ZBTB44: variants seen among roughly 807,000 people sequenced by gnomAD.
The protein encoded by ZBTB44 is zinc finger and BTB domain containing 44.
In ZBTB44, 15 loss-of-function variants were observed where a neutral mutation model predicts 54.0. That is an observed-to-expected ratio of 0.28 (90% confidence interval 0.19 to 0.43). The LOEUF (loss-of-function observed/expected upper bound fraction) is 0.43. Among genes scored for constraint, ZBTB44 ranks in the 20% least tolerant of loss-of-function variants. The probability of loss-of-function intolerance (pLI) is 1.00; values close to 1 mark genes in which losing one functional copy is unlikely to be tolerated. For synonymous variants in ZBTB44, 230 were observed against 250.1 expected (o/e 0.92, Z 0.76); for missense variants, 487 against 707.1 (o/e 0.69, Z 3.53).
chr11:130,247,218 A>G (rs1937617660), intron 2 of ZBTB44, among the ~76,000 whole-genome samples: 1 of 152,322 alleles, frequency 6.6e-6, no homozygotes, highest in South Asian at 2.1e-4. Context: ...ATGAGCAACA[A>G]ACTCAACCTG....
At chr11:130,250,063 C>G (rs930991712) in intron 2 of ZBTB44, among the ~76,000 whole-genome samples, 1 of 152,168 alleles carries the variant, frequency 6.6e-6, no homozygotes, top group African/African-American at 2.4e-5. Flanking sequence ...TGACCTGGGA[C>G]GATCAAGCTT....
chr11:130,227,387 G>C lies in ZBTB44; in HGVS notation c.*4377C>G, dbSNP rs547992384. 2.6e-5 allele frequency: 4 copies of C among 152,310 alleles called. No individual in the cohort carries two copies. The highest frequency in any genetic ancestry group is 2.6e-4 in the Admixed American group (4 of 15,304). The allele number at this position is 152,310 out of a possible 1,614,324, so 9.4% of individuals were successfully genotyped here. On this transcript the variant is annotated 3_prime_UTR_variant, in exon 8 of 8. Transcript: ENST00000357899. The stretch of plus-strand genomic sequence containing the variant: ...CAGTTAAGAGTTGTACTAATTCTAG[G>C]AAAGGGGTAGAAGACATAAAAACAC...
At position 130,268,221 on chromosome 11, in the gene ZBTB44, T is replaced by TAAAAAAAA. The variant is rs1157408386; in HGVS notation, c.-56-6293_-56-6292insTTTTTTTT. On this transcript the variant is annotated intron_variant, in intron 1 of 7. Transcript: ENST00000357899. Reference sequence around the variant, plus strand: ...CAATGGAGTGAGACCCACGTCTAATTTAAAAAAAAAAAAAAGCGGGGGGTG... The same window carrying TAAAAAAAA: ...CAATGGAGTGAGACCCACGTCTAATTAAAAAAAATAAAAAAAAAAAAAAGCGGGGGGTG... Among the ~76,000 whole-genome samples, 461 of 140,980 alleles carry TAAAAAAAA rather than the reference T, an allele frequency of 3.3e-3. 12 individuals carry two copies. The highest frequency in any genetic ancestry group is 0.013 in the African/African-American group (446 of 35,256). The allele number at this position is 140,980 out of a possible 152,430, so 92.5% of individuals were successfully genotyped here. A position where few individuals can be genotyped will look rare whatever the true frequency, so the allele number is the denominator to read the frequency against.
chr11:130,280,743 T>C (rs1173811198), intron 1 of ZBTB44, among the ~76,000 whole-genome samples: 4 of 152,268 alleles, frequency 2.6e-5, no homozygotes, highest in Admixed American at 1.3e-4. Context: ...GTTCCTGTCA[T>C]TGATTAGTTC....
intron 1 of ZBTB44, among the ~76,000 whole-genome samples, chr11:130,266,868 T>C (rs7108258): frequency 0.12 from 18,521 of 152,226 alleles, 1,297 homozygotes; most frequent in African/African-American, 0.2. Flanking sequence ...CTAGGAACAC[T>C]GTTGAAATGA....
rs11828802 is a variant in ZBTB44, at chr11:130,312,976, A to T, written c.-57+1399T>A. Among the ~76,000 whole-genome samples the T allele has an allele frequency of 8.6e-3, 1,315 of 152,278 alleles. 8 individuals carry two copies. Among genetic ancestry groups the T allele is most frequent in the African/African-American group, 0.021 (890 of 41,576 alleles). ...CAGGAAACAATATGGCAAAAATGCT[A>T]ATCACTGAGTTGGTTATTCATTGCA... On this transcript the variant is annotated intron_variant, in intron 1 of 7. Coordinates refer to ENST00000357899, the MANE Select transcript of ZBTB44 (RefSeq NM_001301098.2).
At position 130,238,606 on chromosome 11, in the gene ZBTB44, A is replaced by G. The variant is rs750045263; in HGVS notation, c.1105T>C (p.Leu369=). 6 of 1,609,890 alleles carry G rather than the reference A, an allele frequency of 3.7e-6. No homozygotes were observed. The Middle Eastern group carries it at 5.0e-4, about 133-fold the overall frequency. Residue 369 remains leucine (L), a splice_region_variant and synonymous_variant, in exon 4 of 8, where the codon TTG becomes CTG. Transcript: ENST00000357899. ...TGGTAGGGATACTGAACATTTTCCA[A>G]TCTAAAAAAAACAGACCAAAGAAGG... The part of the protein sequence containing the change: ...TNAPPDDDDR[L]ENVQYPYQLY...
At chr11:130,309,479 A>G (rs565472161) in intron 1 of ZBTB44, among the ~76,000 whole-genome samples, 4 of 152,336 alleles carry the variant, frequency 2.6e-5, no homozygotes, top group South Asian at 4.1e-4. Context: ...TTATGAATTT[A>G]TATCAAATTT....
At position 130,255,339 on chromosome 11, in the gene ZBTB44, G is replaced by T. The variant is rs185749147; in HGVS notation, c.1018+5517C>A. Among the ~76,000 whole-genome samples, 3 of 152,208 alleles carry T rather than the reference G, an allele frequency of 2.0e-5. No homozygotes were observed. In the East Asian group the frequency reaches 5.8e-4, roughly 29 times the overall value. The stretch of plus-strand genomic sequence containing the variant: ...ATAACGAAATTAAGGCAGAAATAAC[G>T]AAGTTCTCTGAAACCAATGAGAACA... On this transcript the variant is annotated intron_variant, in intron 2 of 7. Coordinates refer to ENST00000357899, the MANE Select transcript of ZBTB44 (RefSeq NM_001301098.2).
chr11:130,241,533 C>T (rs998338100), intron 2 of ZBTB44, among the ~76,000 whole-genome samples: 7 of 152,180 alleles, frequency 4.6e-5, no homozygotes, highest in Non-Finnish European at 8.8e-5. Flanking sequence ...CTCCCTTCCT[C>T]CCTCTTTTGT....
At chr11:130,296,566 G>T in intron 1 of ZBTB44, 1 of 935,540 alleles carries the variant, frequency 1.1e-6, no homozygotes. Flanking sequence ...ATGACCCTAA[G>T]GAATATATTC....
chr11:130,227,740 C>T lies in ZBTB44; in HGVS notation c.*4024G>A, dbSNP rs1172070057. On this transcript the variant is annotated 3_prime_UTR_variant, in exon 8 of 8. Coordinates refer to ENST00000357899, the MANE Select transcript of ZBTB44 (RefSeq NM_001301098.2). ...TACTGTAGCAGCAAATATGACATTA[C>T]AGAAAAACAAAATTTTATTTAAAAA... The T allele has an allele frequency of 6.6e-6, 1 of 152,138 alleles. No individual in the cohort carries two copies. The highest frequency in any genetic ancestry group is 1.9e-4 in the East Asian group (1 of 5,198). The allele number at this position is 152,138 out of a possible 1,614,324, so 9.4% of individuals were successfully genotyped here. A position where few individuals can be genotyped will look rare whatever the true frequency, so the allele number is the denominator to read the frequency against.
intron 2 of ZBTB44, among the ~76,000 whole-genome samples, chr11:130,245,758 C>T (rs1954615220): frequency 6.6e-6 from 1 of 152,128 alleles, no homozygotes; most frequent in Non-Finnish European, 1.5e-5. Flanking sequence ...ATCTGCTTCT[C>T]ACTATCAGGC....
intron 1 of ZBTB44, chr11:130,296,298 T>C (rs1941638734): frequency 1.1e-5 from 16 of 1,505,618 alleles, no homozygotes; most frequent in Non-Finnish European, 1.4e-5. Flanking sequence ...CCTTCTGCTC[T>C]TTACATTCCT....
intron 1 of ZBTB44, among the ~76,000 whole-genome samples, chr11:130,266,942 T>C (rs1388527367): frequency 2.6e-5 from 4 of 152,140 alleles, no homozygotes; most frequent in Non-Finnish European, 4.4e-5. Flanking sequence ...TTTCAGAGGA[T>C]CAAGTCCAAT....
In ZBTB44 at chr11:130,261,554, G is replaced by A; in HGVS notation, c.320C>T (p.Ala107Val). Residue 107 changes from alanine (A) to valine (V), a missense_variant, in exon 2 of 8, where the codon GCA becomes GTA. Ala to Val is a moderately conservative substitution (Grantham distance 64). Around this residue, in one of 3 missense-constraint regions of ZBTB44, gnomAD observed 90 missense variants for 160.3 expected, o/e 0.56. Transcript: ENST00000357899. The surrounding 1 kb of genome is among the most constrained non-coding windows in gnomAD (Gnocchi z 4.8). ...NTENIIDVLA[A>V]ASYMQMFSVA... is the part of the protein sequence containing the mutation. ...ACTGAACATTTGCATATAGCTGGCTGCTGCTAGAACATCAATAATATTTTC... is the reference window on the plus strand; with the variant it reads ...ACTGAACATTTGCATATAGCTGGCTACTGCTAGAACATCAATAATATTTTC... The A allele has an allele frequency of 6.2e-7, 1 of 1,614,034 alleles. No homozygotes were observed. The highest frequency in any genetic ancestry group is 1.7e-5 in the Admixed American group (1 of 60,024).
At chr11:130,296,515 C>A in intron 1 of ZBTB44, 1 of 899,308 alleles carries the variant, frequency 1.1e-6, no homozygotes, top group Non-Finnish European at 1.8e-6. Context: ...GAGGACTGGA[C>A]ATTCCTCAAG....
chr11:130,229,785 A>T lies in ZBTB44; in HGVS notation c.*1979T>A, dbSNP rs2136239485. ...AAATATATTACAAATAAAGCATCTT[A>T]CGTCAATAACTTACTTACAGTGAAA... On this transcript the variant is annotated 3_prime_UTR_variant, in exon 8 of 8. Coordinates refer to ENST00000357899, the MANE Select transcript of ZBTB44 (RefSeq NM_001301098.2). 1 of 152,300 alleles carries T rather than the reference A, an allele frequency of 6.6e-6. No individual in the cohort carries two copies. The highest frequency in any genetic ancestry group is 3.4e-3 in the Middle Eastern group (1 of 294). The allele number at this position is 152,300 out of a possible 1,614,324, so 9.4% of individuals were successfully genotyped here.
At chr11:130,256,543 G>T (rs779243285) in intron 2 of ZBTB44, among the ~76,000 whole-genome samples, 7 of 152,012 alleles carry the variant, frequency 4.6e-5, no homozygotes, top group Admixed American at 1.3e-4. Context: ...GGGTGTGGTG[G>T]CATGCGTCTG....
Sources: gnomAD v4.1 joint callset for allele counts (sites outside exome capture counted in the v4.1 genomes callset) on GRCh38, gnomAD v4.1.1 for gene constraint, gnomAD v4.1.1 regional missense constraint, Gnocchi (gnomAD v3.1) non-coding constraint, MANE v1.5 for transcripts, NCBI Gene and HGNC (gene_info 2026-07-23, HGNC 2026-07-21) for gene names.